Variants in TRAK1 observed in about 807,000 individuals in gnomAD.
TRAK1 encodes trafficking kinesin protein 1.
TRAK1 carries 33 observed loss-of-function variants against 92.1 expected under a neutral mutation model. That is an observed-to-expected ratio of 0.36 (90% CI 0.27 to 0.48). The LOEUF (loss-of-function observed/expected upper bound fraction) is 0.48, where lower values mean the gene tolerates loss of function less well. Ranked by LOEUF, TRAK1 falls within the 20% of genes least tolerant of loss-of-function variation. The pLI, the probability that TRAK1 is intolerant of heterozygous loss-of-function variation, is 0.99. For synonymous variants in TRAK1, 521 were observed against 517.3 expected (o/e 1.01, Z -0.10); for missense variants, 1,123 against 1,257.9 (o/e 0.89, Z 1.62).
At chr3:42,183,553 T>TAAAAAAAAAAAAAAAAAAAAAAAAAAAA (rs11293523) in intron 3 of TRAK1, among the ~76,000 whole-genome samples, 9 of 117,352 alleles carry the variant, frequency 7.7e-5, no homozygotes, top group African/African-American at 2.9e-4. Flanking sequence ...AGACTCTGTC[T>TAAAAAAAAAAAAAAAAAAAAAAAAAAAA]AAAAAAAAAA....
At position 42,223,008 on chromosome 3, in the gene TRAK1, A is replaced by G. The variant is rs1481652398; in HGVS notation, c.2133A>G (p.Thr711=). Residue 711 remains threonine, a synonymous_variant, in exon 16 of 16, where the codon ACA becomes ACG. Transcript: ENST00000327628. This position sits in a 1 kb window ranked among gnomAD's most constrained non-coding sequence, Gnocchi z 6.1. ...ACTTGAAATCCACGCCGGTGGCCACACCATGCACTCCACGGAGACTGAGCC... is the reference window on the plus strand; with the variant it reads ...ACTTGAAATCCACGCCGGTGGCCACGCCATGCACTCCACGGAGACTGAGCC... The part of the protein sequence containing the change: ...TSHLKSTPVA[T]PCTPRRLSLA... 6.2e-6 allele frequency: 10 copies of G among 1,613,948 alleles called. No homozygotes were observed. The African/African-American group carries it at 6.7e-5, about 11-fold the overall frequency.
chr3:42,176,974 G>A (rs1703314982), intron 3 of TRAK1, 84 bp downstream of exon 3: 4 of 1,246,656 alleles, frequency 3.2e-6, no homozygotes, highest in Admixed American at 3.7e-5. Flanking sequence ...CTTATCACCT[G>A]TTTCAGTGAG....
At chr3:42,018,788 A>G (rs1245536134) in intron 1 of TRAK1, among the ~76,000 whole-genome samples, 3 of 152,224 alleles carry the variant, frequency 2.0e-5, no homozygotes, top group Non-Finnish European at 4.4e-5. Context: ...AGCAAATCCT[A>G]TCTTCCGTTA....
Position 42,212,079 on chromosome 3 carries a change from C to G in TRAK1, c.1963+2094C>G, listed in dbSNP as rs149984862. On this transcript the variant is annotated intron_variant, in intron 14 of 15. Transcript: ENST00000327628. Reference sequence around the variant, plus strand: ...GCTCTATTTTCTCTATTGGGAATTACAGGACCATTTTGATTCTTAGAATGT... The same window carrying G: ...GCTCTATTTTCTCTATTGGGAATTAGAGGACCATTTTGATTCTTAGAATGT... 2,259 of 985,366 alleles carry G rather than the reference C, an allele frequency of 2.3e-3. 5 individuals carry two copies. Among genetic ancestry groups the G allele is most frequent in the Middle Eastern group, 0.018 (35 of 1,914 alleles). The allele number at this position is 985,366 out of a possible 1,614,324, so 61.0% of individuals were successfully genotyped here.
At chr3:42,113,178 G>T (rs982838763) in intron 1 of TRAK1, among the ~76,000 whole-genome samples, 1 of 152,228 alleles carries the variant, frequency 6.6e-6, no homozygotes, top group Non-Finnish European at 1.5e-5. Context: ...CCCAGTTCAA[G>T]GATGTAGTGA....
chr3:42,086,311 C>CTTTTTTTTTTTT (rs750932535), upstream of TRAK1, among the ~76,000 whole-genome samples: 3 of 140,478 alleles, frequency 2.1e-5, no homozygotes, highest in Admixed American at 7.0e-5. Context: ...CTTTTTCTTT[C>CTTTTTTTTTTTT]TTTTTTTTTT....
chr3:42,063,739 C>T (rs373479400), intron 1 of TRAK1, among the ~76,000 whole-genome samples: 6 of 151,838 alleles, frequency 4.0e-5, no homozygotes, highest in East Asian at 1.9e-4. Flanking sequence ...GCATATGTGC[C>T]GGGGCAGCCC....
intron 1 of TRAK1, among the ~76,000 whole-genome samples, chr3:42,060,950 G>T (rs1703413785): frequency 6.6e-6 from 1 of 151,886 alleles, no homozygotes. Flanking sequence ...GTTGTTGTTT[G>T]TTTGTTTTGC....
chr3:42,140,077 G>T (rs191478096), intron 2 of TRAK1, among the ~76,000 whole-genome samples: 75 of 152,290 alleles, frequency 4.9e-4, no homozygotes, highest in African/African-American at 1.8e-3. Flanking sequence ...CAGAGGTAGG[G>T]TTGATTTTAA....
At chr3:42,134,867 C>T (rs1697739081) in intron 2 of TRAK1, among the ~76,000 whole-genome samples, 1 of 151,912 alleles carries the variant, frequency 6.6e-6, no homozygotes, top group Non-Finnish European at 1.5e-5. Flanking sequence ...GCATGAGCCA[C>T]TGCACCTGGC....
At chr3:42,143,725 G>A (rs564144956) in intron 2 of TRAK1, among the ~76,000 whole-genome samples, 3 of 152,218 alleles carry the variant, frequency 2.0e-5, no homozygotes, top group African/African-American at 7.2e-5. Context: ...TAGGGAGGAG[G>A]CTGCTTTTTC....
At chr3:42,036,324 G>A (rs1001450642) in intron 1 of TRAK1, among the ~76,000 whole-genome samples, 1 of 152,216 alleles carries the variant, frequency 6.6e-6, no homozygotes, top group East Asian at 1.9e-4. Context: ...GTAGTGCCTG[G>A]TACATAGTAG....
At chr3:42,210,725 T>G (rs928434377) in intron 14 of TRAK1, 2 of 986,364 alleles carry the variant, frequency 2.0e-6, no homozygotes, top group South Asian at 4.7e-5. Flanking sequence ...GTGTTCAAAG[T>G]GGATTTTTAA....
chr3:42,041,963 T>G (rs1198632198), intron 1 of TRAK1, among the ~76,000 whole-genome samples: 2 of 152,130 alleles, frequency 1.3e-5, no homozygotes, highest in African/African-American at 4.8e-5. Flanking sequence ...CAGCTACTTT[T>G]GTATTTTTAG....
intron 2 of TRAK1, among the ~76,000 whole-genome samples, chr3:42,132,226 G>A (rs1170012787): frequency 1.4e-5 from 2 of 147,864 alleles, no homozygotes; most frequent in Non-Finnish European, 3.0e-5. Flanking sequence ...TGTATTACTT[G>A]TAAATGCTAT....
intron 2 of TRAK1, among the ~76,000 whole-genome samples, chr3:42,134,432 C>T (rs963263865): frequency 1.3e-5 from 2 of 151,462 alleles, no homozygotes; most frequent in Non-Finnish European, 2.9e-5. Flanking sequence ...TGCATGCCAC[C>T]ATGCCCAGCT....
At position 42,223,245 on chromosome 3, in the gene TRAK1, C is replaced by A; in HGVS notation, c.2370C>A (p.Pro790=). ...STPPNSPMQT[P]TSSPPSFEFK... ...CGCCGAACTCGCCTATGCAGACACC[C>A]ACATCCTCCCCACCCTCCTTTGAGT... The change falls in exon 16 of 16, where the codon CCC becomes CCA. Residue 790 remains proline, a synonymous_variant. Transcript: ENST00000327628. The surrounding 1 kb of genome is among the most constrained non-coding windows in gnomAD (Gnocchi z 6.1). 6.8e-6 allele frequency: 11 copies of A among 1,614,226 alleles called. No homozygotes were observed. The highest frequency in any genetic ancestry group is 8.5e-6 in the Non-Finnish European group (10 of 1,180,040).
At chr3:42,106,932 G>T (rs192161291) in intron 1 of TRAK1, among the ~76,000 whole-genome samples, 8 of 152,302 alleles carry the variant, frequency 5.3e-5, no homozygotes, top group Non-Finnish European at 8.8e-5. Flanking sequence ...GCATTGAATG[G>T]TAGAGGCACA....
In TRAK1 at chr3:42,191,895, A is replaced by ATT. The variant is rs68023368; in HGVS notation, c.769+281_769+282dup. Among the ~76,000 whole-genome samples the ATT allele has an allele frequency of 2.0e-3, 143 of 72,732 alleles. 12 individuals carry two copies. The highest frequency in any genetic ancestry group is 3.2e-3 in the African/African-American group (55 of 17,222). The allele number at this position is 72,732 out of a possible 152,430, so 47.7% of individuals were successfully genotyped here. On this transcript the variant is annotated intron_variant, in intron 7 of 15. Transcript: ENST00000327628. ...TTTGGCTTTATACTGGAATATTGGA[A>ATT]TTTTTTTTTTTTTTTTTTTTTTTGA...
Sources: allele counts gnomAD v4.1 joint callset (sites outside exome capture counted in the v4.1 genomes callset), GRCh38; gene constraint gnomAD v4.1.1; non-coding constraint Gnocchi (gnomAD v3.1); transcripts MANE v1.5; gene names NCBI Gene and HGNC (gene_info 2026-07-23, HGNC 2026-07-21).